Variants in MAP2K4 observed in about 807,000 individuals in gnomAD.
MAP2K4 encodes dual specificity mitogen-activated protein kinase kinase 4.
Under a neutral mutation model 48.5 loss-of-function variants are expected in MAP2K4, and 4 were observed. The ratio of observed to expected loss-of-function variants is 0.08; its 90% CI spans 0.04 to 0.19. The LOEUF (loss-of-function observed/expected upper bound fraction) is 0.19, where lower values mean the gene tolerates loss of function less well. MAP2K4 is among the 10% of genes least tolerant of loss of function. MAP2K4 has a pLI of 1.00. For synonymous variants in MAP2K4, 166 were observed against 173.1 expected, an observed-to-expected ratio of 0.96 and a Z score of 0.32; for missense variants, 258 against 493.3, an observed-to-expected ratio of 0.52 and a Z score of 4.52.
At position 12,055,032 on chromosome 17, in the gene MAP2K4, A is replaced by G. The variant is rs747764926; in HGVS notation, c.218+41A>G. 3.2e-6 allele frequency: 4 copies of G among 1,269,620 alleles called. No individual in the cohort carries two copies. The East Asian group carries it at 9.4e-5, about 30-fold the overall frequency. The allele number at this position is 1,269,620 out of a possible 1,614,324, so 78.6% of individuals were successfully genotyped here. A position where few individuals can be genotyped will look rare whatever the true frequency, so the allele number is the denominator to read the frequency against. ...AATCAAAGGCTCAACTCAAGCAAAG[A>G]TTTTAAAGTTACTGTATTTTATGAA... On this transcript the variant is annotated intron_variant, in intron 2 of 10. Transcript: ENST00000353533.
At chr17:12,115,450 A>T (rs1014388807) in intron 7 of MAP2K4, 1 of 514,602 alleles carries the variant, frequency 1.9e-6, no homozygotes, top group Non-Finnish European at 3.7e-6. Flanking sequence ...TACTGTAGGT[A>T]ATTATATCAC....
At chr17:12,066,233 A>G (rs1014331504) in intron 2 of MAP2K4, among the ~76,000 whole-genome samples, 1 of 152,000 alleles carries the variant, frequency 6.6e-6, no homozygotes, top group African/African-American at 2.4e-5. Flanking sequence ...TTAAAAAATC[A>G]GTAGTACCTG....
chr17:12,088,448 A>ATATTAAATATTAAATG (rs1229973349), intron 3 of MAP2K4, among the ~76,000 whole-genome samples: 4 of 139,892 alleles, frequency 2.9e-5, no homozygotes, highest in Non-Finnish European at 6.1e-5. Context: ...CATATAATAT[A>ATATTAAATATTAAATG]TATTAAATAT....
chr17:12,101,373 G>T (rs550322025), intron 4 of MAP2K4, among the ~76,000 whole-genome samples: 4 of 151,770 alleles, frequency 2.6e-5, no homozygotes, highest in Non-Finnish European at 4.4e-5. Flanking sequence ...TTCTGTCTTT[G>T]CACTGATCTC....
intron 7 of MAP2K4, among the ~76,000 whole-genome samples, chr17:12,122,944 A>G (rs547105913): frequency 6.6e-6 from 1 of 152,242 alleles, no homozygotes; most frequent in South Asian, 2.1e-4. Context: ...TTGATTTTCA[A>G]GTATTAAGTT....
chr17:12,022,796 G>C lies in MAP2K4; in HGVS notation c.115+1795G>C, dbSNP rs1468502. On this transcript the variant is annotated intron_variant, in intron 1 of 10. Transcript: ENST00000353533. ...GAAAAGTAATAAAGGTAACAAGCTGGGTTTTGTGATAGAAGATAATAGAGG... is the reference window on the plus strand; with the variant it reads ...GAAAAGTAATAAAGGTAACAAGCTGCGTTTTGTGATAGAAGATAATAGAGG... 3.0e-3 allele frequency among the ~76,000 whole-genome samples: 456 copies of C among 152,282 alleles called. 4 individuals carry two copies. In the East Asian group the frequency reaches 0.036, roughly 12 times the overall value.
At chr17:12,031,877 C>CT (rs1325454820) in intron 1 of MAP2K4, among the ~76,000 whole-genome samples, 55 of 152,216 alleles carry the variant, frequency 3.6e-4, no homozygotes, top group African/African-American at 1.3e-3. Context: ...ATGGGTAACT[C>CT]TAAATCAGTA....
chr17:12,036,711 T>G (rs1049038123), intron 1 of MAP2K4: 1 of 152,144 alleles, frequency 6.6e-6, no homozygotes, highest in African/African-American at 2.4e-5. Flanking sequence ...TTCTAATTTT[T>G]TTTTTTTTCA....
intron 7 of MAP2K4, among the ~76,000 whole-genome samples, chr17:12,117,706 G>C (rs1005597842): frequency 6.6e-6 from 1 of 152,078 alleles, no homozygotes; most frequent in Non-Finnish European, 1.5e-5. Flanking sequence ...TTGTTAAAGG[G>C]GATAAAGGGG....
At chr17:12,114,944 T>G (rs1449204330) in intron 7 of MAP2K4, among the ~76,000 whole-genome samples, 1 of 152,204 alleles carries the variant, frequency 6.6e-6, no homozygotes, top group South Asian at 2.1e-4. Context: ...CCTCTAATCT[T>G]TACTGGACCA....
intron 7 of MAP2K4, among the ~76,000 whole-genome samples, chr17:12,118,797 C>G (rs1972582844): frequency 6.6e-6 from 1 of 152,142 alleles, no homozygotes; most frequent in Non-Finnish European, 1.5e-5. Flanking sequence ...CATGCTGTTG[C>G]CAGCACTTGG....
Position 12,020,901 on chromosome 17 carries a change from C to A in MAP2K4, c.15C>A (p.Ser5Arg). Residue 5 changes from serine to arginine, a missense_variant, in exon 1 of 11, where the codon AGC becomes AGA. Ser to Arg is a moderately radical substitution (Grantham distance 110, BLOSUM62 -1). Coordinates refer to ENST00000353533, the MANE Select transcript of MAP2K4 (RefSeq NM_003010.4). ...CACTCCCAACAATGGCGGCTCCGAG[C>A]CCGAGCGGCGGCGGCGGCTCCGGGG... MAAPSPSGGGGSGGG... is the reference protein window; with the variant it reads MAAPRPSGGGGSGGG... 8.2e-7 allele frequency: 1 copy of A among 1,215,528 alleles called. No homozygotes were observed. Among genetic ancestry groups the A allele is most frequent in the Non-Finnish European group, 1.0e-6 (1 of 977,188 alleles). 75.3% of individuals were successfully genotyped at this position (1,215,528 alleles called of 1,614,324 possible). A position where few individuals can be genotyped will look rare whatever the true frequency, so the allele number is the denominator to read the frequency against.
chr17:12,022,591 T>C lies in MAP2K4; in HGVS notation c.115+1590T>C, dbSNP rs952765802. ...TTTATTGGTGGGGAGGCTGACAGTTTGAAATAGCTGGATACAGTGTGTTTT... is the reference window on the plus strand; with the variant it reads ...TTTATTGGTGGGGAGGCTGACAGTTCGAAATAGCTGGATACAGTGTGTTTT... On this transcript the variant is annotated intron_variant, in intron 1 of 10. Coordinates refer to ENST00000353533, the MANE Select transcript of MAP2K4 (RefSeq NM_003010.4). 3.7e-4 allele frequency among the ~76,000 whole-genome samples: 57 copies of C among 152,314 alleles called. 1 individual carries two copies. Among genetic ancestry groups the C allele is most frequent in the African/African-American group, 1.3e-3 (54 of 41,560 alleles).
At chr17:12,124,461 A>G (rs1972787596) in intron 7 of MAP2K4, 1 of 152,202 alleles carries the variant, frequency 6.6e-6, no homozygotes, top group South Asian at 2.1e-4. Context: ...AAATATCTTT[A>G]CACATATGTG....
At chr17:12,060,314 A>G (rs1970407981) in intron 2 of MAP2K4, among the ~76,000 whole-genome samples, 2 of 152,198 alleles carry the variant, frequency 1.3e-5, no homozygotes, top group South Asian at 2.1e-4. Context: ...GAATTAGAAT[A>G]GCGACATACA....
rs1971203215 is a variant in MAP2K4 at position 12,081,960 on chromosome 17, C to T, written c.393+430C>T. ...TACTGAAGGTTTCCTGGAAACCACG[C>T]ACATGCTGTTGCCACTAACCTCAAC... On this transcript the variant is annotated intron_variant, in intron 3 of 10. Transcript: ENST00000353533. The surrounding 1 kb of genome is among the most constrained non-coding windows in gnomAD (Gnocchi z 4.2). 1.9e-6 allele frequency: 1 copy of T among 533,540 alleles called. No homozygotes were observed. The highest frequency in any genetic ancestry group is 3.8e-6 in the Non-Finnish European group (1 of 259,928). The allele number at this position is 533,540 out of a possible 1,614,324, so 33.1% of individuals were successfully genotyped here. A position where few individuals can be genotyped will look rare whatever the true frequency, so the allele number is the denominator to read the frequency against.
intron 1 of MAP2K4, among the ~76,000 whole-genome samples, chr17:12,044,641 CAAAT>C (rs768461308): frequency 6.6e-6 from 1 of 152,174 alleles, no homozygotes; most frequent in African/African-American, 2.4e-5. Flanking sequence ...CACTAGCAAA[CAAAT>C]AATCACTTCT....
At position 12,128,870 on chromosome 17, in the gene MAP2K4, G is replaced by A. The variant is rs28921074; in HGVS notation, c.892-269G>A. On this transcript the variant is annotated intron_variant, in intron 8 of 10. Coordinates refer to ENST00000353533, the MANE Select transcript of MAP2K4 (RefSeq NM_003010.4). ...AGGCTGCCCTGGAGCATGCATTGTAGGGACATTGTCTAGGCTTAAGTTTTG... is the reference window on the plus strand; with the variant it reads ...AGGCTGCCCTGGAGCATGCATTGTAAGGACATTGTCTAGGCTTAAGTTTTG... 6.2e-3 allele frequency among the ~76,000 whole-genome samples: 948 copies of A among 152,304 alleles called. 2 individuals are homozygous for A. Among genetic ancestry groups the A allele is most frequent in the East Asian group, 0.036 (186 of 5,184 alleles).
chr17:12,066,193 TC>T (rs956773256), intron 2 of MAP2K4, among the ~76,000 whole-genome samples: 12 of 151,962 alleles, frequency 7.9e-5, no homozygotes, highest in African/African-American at 2.9e-4. Context: ...TGGCCCATTA[TC>T]TTATCATCCA....
Sources: allele counts gnomAD v4.1 joint callset (sites outside exome capture counted in the v4.1 genomes callset), GRCh38; gene constraint gnomAD v4.1.1; non-coding constraint Gnocchi (gnomAD v3.1); transcripts MANE v1.5; gene names NCBI Gene and HGNC (gene_info 2026-07-23, HGNC 2026-07-21).